The following IQCM variants were observed in gnomAD, a reference collection of about 807,000 sequenced individuals.
The protein encoded by IQCM is IQ motif containing M, also known as IQ domain-containing protein M.
A neutral mutation model predicts 57.6 loss-of-function variants in IQCM; 45 were observed. The ratio of observed to expected loss-of-function variants is 0.78; its 90% CI spans 0.62 to 1.00. The LOEUF (loss-of-function observed/expected upper bound fraction) is 1.00. IQCM is among the 50% of genes least tolerant of loss of function. The probability of loss-of-function intolerance (pLI) is 0.00; values close to 1 mark genes in which losing one functional copy is unlikely to be tolerated. For synonymous variants in IQCM, 148 were observed against 158.9 expected (o/e 0.93, Z 0.51); for missense variants, 468 against 511.6 (o/e 0.91, Z 0.82).
In IQCM at chr4:149,614,051, ACCT is replaced by A. The variant is rs1755559543; in HGVS notation, c.681+7075_681+7077del. On this transcript the variant is annotated intron_variant, in intron 8 of 13. Coordinates refer to ENST00000636793, the MANE Select transcript of IQCM (RefSeq NM_001363507.2). ...ATGACCTGTTTTTATTTTTTTCATGACCTAAACCTATGTTTTTTAAAAAATATG... is the reference window on the plus strand; with the variant it reads ...ATGACCTGTTTTTATTTTTTTCATGAAAACCTATGTTTTTTAAAAAATATG... Among the ~76,000 whole-genome samples, 3 of 151,898 alleles carry A rather than the reference ACCT, an allele frequency of 2.0e-5. No individual in the cohort carries two copies. The South Asian group carries it at 6.2e-4, about 32-fold the overall frequency.
chr4:149,469,936 C>T (rs1739322069), intron 12 of IQCM, among the ~76,000 whole-genome samples: 1 of 152,134 alleles, frequency 6.6e-6, no homozygotes, highest in African/African-American at 2.4e-5. Context: ...GAGATTTTGT[C>T]ACCACCAGGC....
intron 13 of IQCM, among the ~76,000 whole-genome samples, chr4:149,372,922 A>G (rs750085279): frequency 1.3e-5 from 2 of 152,130 alleles, no homozygotes; most frequent in South Asian, 2.1e-4. Context: ...GCACATGAAT[A>G]TTGTGTACCA....
chr4:149,693,318 T>G (rs1468021582), intron 5 of IQCM, among the ~76,000 whole-genome samples: 1 of 152,184 alleles, frequency 6.6e-6, no homozygotes, highest in Admixed American at 6.5e-5. Flanking sequence ...AGCACTTCAA[T>G]GTGCACAAAT....
intron 9 of IQCM, among the ~76,000 whole-genome samples, chr4:149,579,336 G>T (rs1751951659): frequency 6.6e-6 from 1 of 151,808 alleles, no homozygotes; most frequent in Non-Finnish European, 1.5e-5. Flanking sequence ...TCTATTCCAG[G>T]GGAGAAAGCA....
intron 7 of IQCM, among the ~76,000 whole-genome samples, chr4:149,673,593 C>A (rs1761499160): frequency 6.6e-6 from 1 of 152,124 alleles, no homozygotes; most frequent in African/African-American, 2.4e-5. Context: ...AATATATGCA[C>A]CCAATACAGG....
At chr4:149,561,903 G>A (rs2149933118) in intron 10 of IQCM, among the ~76,000 whole-genome samples, 1 of 152,136 alleles carries the variant, frequency 6.6e-6, no homozygotes, top group South Asian at 2.1e-4. Context: ...GACCAGAGAG[G>A]GTGTCTAAGT....
intron 12 of IQCM, among the ~76,000 whole-genome samples, chr4:149,447,425 T>A (rs1440213486): frequency 6.6e-6 from 1 of 151,612 alleles, no homozygotes; most frequent in Admixed American, 6.6e-5. Context: ...ATATTCCACA[T>A]GTTCAAGAAG....
intron 12 of IQCM, among the ~76,000 whole-genome samples, chr4:149,530,581 T>C (rs1746629401): frequency 6.6e-6 from 1 of 152,176 alleles, no homozygotes; most frequent in African/African-American, 2.4e-5. Flanking sequence ...TGGAAATAGA[T>C]TAAATCCCAA....
At chr4:149,513,756 A>G (rs1052946936) in intron 12 of IQCM, among the ~76,000 whole-genome samples, 1 of 152,198 alleles carries the variant, frequency 6.6e-6, no homozygotes, top group Non-Finnish European at 1.5e-5. Context: ...TATAATCACA[A>G]TCAGTTAAGG....
chr4:149,548,325 C>T, intron 12 of IQCM, 130 bp downstream of exon 12: 1 of 694,030 alleles, frequency 1.4e-6, no homozygotes, highest in Non-Finnish European at 2.0e-6. Flanking sequence ...AAAGCACTTA[C>T]ACAAAAAGTT....
intron 12 of IQCM, among the ~76,000 whole-genome samples, chr4:149,450,778 A>T (rs1737028109): frequency 6.6e-6 from 1 of 151,952 alleles, no homozygotes; most frequent in Non-Finnish European, 1.5e-5. Context: ...AAATTAGTAC[A>T]ACCACTATGG....
intron 12 of IQCM, among the ~76,000 whole-genome samples, chr4:149,501,171 A>G (rs1394176484): frequency 6.6e-6 from 1 of 152,114 alleles, no homozygotes; most frequent in Non-Finnish European, 1.5e-5. Context: ...ACTAATCTCA[A>G]TTTGACTTAC....
chr4:149,523,901 C>A (rs1187324700), intron 12 of IQCM, among the ~76,000 whole-genome samples: 1 of 152,090 alleles, frequency 6.6e-6, no homozygotes, highest in Non-Finnish European at 1.5e-5. Flanking sequence ...TAAACGCATT[C>A]TAGACTGAAG....
intron 13 of IQCM, among the ~76,000 whole-genome samples, chr4:149,400,849 T>G: frequency 6.6e-6 from 1 of 151,930 alleles, no homozygotes; most frequent in East Asian, 1.9e-4. Flanking sequence ...AAATTAGGTT[T>G]ATCCACAAAT....
chr4:149,508,816 G>C (rs563602607), intron 12 of IQCM, among the ~76,000 whole-genome samples: 4 of 152,298 alleles, frequency 2.6e-5, no homozygotes, highest in East Asian at 1.9e-4. Context: ...TGGTTTGGCT[G>C]TGTCCCCACC....
At chr4:149,476,596 T>C (rs1160386666) in intron 12 of IQCM, among the ~76,000 whole-genome samples, 2 of 152,096 alleles carry the variant, frequency 1.3e-5, no homozygotes, top group Non-Finnish European at 2.9e-5. Flanking sequence ...ATTAATACAT[T>C]CTTTGTAAAC....
intron 12 of IQCM, among the ~76,000 whole-genome samples, chr4:149,488,269 C>T (rs576206939): frequency 2.3e-4 from 35 of 151,924 alleles, no homozygotes; most frequent in Non-Finnish European, 4.6e-4. Context: ...ATTAATTTGC[C>T]TTACACATAT....
At chr4:149,453,595 C>T (rs903032342) in intron 12 of IQCM, among the ~76,000 whole-genome samples, 10 of 151,786 alleles carry the variant, frequency 6.6e-5, no homozygotes, top group African/African-American at 1.4e-4. Flanking sequence ...TATATACATA[C>T]GAACAATAAC....
intron 12 of IQCM, among the ~76,000 whole-genome samples, chr4:149,528,570 C>T (rs908164015): frequency 4.6e-5 from 7 of 152,196 alleles, no homozygotes; most frequent in African/African-American, 1.7e-4. Flanking sequence ...GAAGAAGTGG[C>T]TCATGGGAGA....
Sources: gnomAD v4.1 joint callset for allele counts (sites outside exome capture counted in the v4.1 genomes callset) on GRCh38, gnomAD v4.1.1 for gene constraint, MANE v1.5 for transcripts, NCBI Gene and HGNC (gene_info 2026-07-23, HGNC 2026-07-21) for gene names.